CLGN: variants seen among roughly 807,000 people sequenced by gnomAD.
CLGN encodes testis tissue sperm-binding protein Li 79P.
A neutral mutation model predicts 79.1 loss-of-function variants in CLGN; 62 were observed. That is an observed-to-expected ratio of 0.78 (90% confidence interval 0.64 to 0.97). CLGN has a LOEUF of 0.97. CLGN is among the 50% of genes least tolerant of loss of function. The probability of loss-of-function intolerance (pLI) is 0.00; values close to 1 mark genes in which losing one functional copy is unlikely to be tolerated. For synonymous variants in CLGN, 225 were observed against 224.7 expected (o/e 1.00, Z -0.01); for missense variants, 647 against 715.5 (o/e 0.90, Z 1.09).
chr4:140,421,376 T>C (rs1233642246), intron 1 of CLGN, among the ~76,000 whole-genome samples: 3 of 152,114 alleles, frequency 2.0e-5, no homozygotes, highest in Non-Finnish European at 4.4e-5. Flanking sequence ...CCTCATACTG[T>C]TTTCCACAGT....
chr4:140,412,793 A>G, intron 2 of CLGN, 142 bp downstream of exon 2: 1 of 748,414 alleles, frequency 1.3e-6, no homozygotes, highest in East Asian at 2.8e-5. Flanking sequence ...TTAAAGTAAT[A>G]AGACACTTAG....
chr4:140,395,498 G>C (rs936782387), intron 10 of CLGN, among the ~76,000 whole-genome samples: 1 of 151,962 alleles, frequency 6.6e-6, no homozygotes, highest in African/African-American at 2.4e-5. Flanking sequence ...TTAAGCACAG[G>C]CATTAATTAC....
At chr4:140,411,238 T>G (rs1050395692) in intron 2 of CLGN, among the ~76,000 whole-genome samples, 5 of 151,986 alleles carry the variant, frequency 3.3e-5, no homozygotes, top group Non-Finnish European at 7.4e-5. Flanking sequence ...GGGGGAAGTA[T>G]CATTAGTAAC....
Position 140,398,257 on chromosome 4 carries a change from C to G in CLGN, c.884+594G>C, listed in dbSNP as rs568628921. Among the ~76,000 whole-genome samples, 289 of 141,594 alleles carry G rather than the reference C, an allele frequency of 2.0e-3. 2 individuals carry two copies. In the South Asian group the frequency reaches 0.026, roughly 13 times the overall value. 92.9% of individuals were successfully genotyped at this position (141,594 alleles called of 152,430 possible). On this transcript the variant is annotated intron_variant, in intron 8 of 14. Transcript: ENST00000325617. ...GTGGTTTCTCTCATTTAAGGGCAAACATACTCTTTTTTTTTTTTTTTTTTT... is the reference window on the plus strand; with the variant it reads ...GTGGTTTCTCTCATTTAAGGGCAAAGATACTCTTTTTTTTTTTTTTTTTTT...
intron 1 of CLGN, among the ~76,000 whole-genome samples, chr4:140,426,255 C>G (rs1171803706): frequency 6.6e-6 from 1 of 152,140 alleles, no homozygotes; most frequent in Non-Finnish European, 1.5e-5. Flanking sequence ...ACTAGACAAT[C>G]CAAAGATTCT....
Position 140,389,234 on chromosome 4 carries a change from C to A in CLGN, c.1823G>T (p.Arg608Leu). The A allele has an allele frequency of 1.9e-6, 3 of 1,612,006 alleles. No homozygotes were observed. The highest frequency in any genetic ancestry group is 2.5e-6 in the Non-Finnish European group (3 of 1,178,518). Residue 608 changes from arginine to leucine, a missense_variant, in exon 15 of 15, where the codon CGA (arginine) becomes CTA (leucine). Physicochemically the swap from Arg to Leu is moderately radical, Grantham distance 102. Transcript: ENST00000325617. Reference sequence around the variant, plus strand: ...ATATTTCAATCTAGTTTAGTCCTTTCGTACTCTTCTTTTGCGTACTGACTT... The same window carrying A: ...ATATTTCAATCTAGTTTAGTCCTTTAGTACTCTTCTTTTGCGTACTGACTT... The part of the protein sequence containing the change: ...PIKSVRKRRV[R>L]KD
chr4:140,407,872 G>T (rs902691219), intron 4 of CLGN, among the ~76,000 whole-genome samples: 4 of 152,028 alleles, frequency 2.6e-5, no homozygotes, highest in African/African-American at 7.2e-5. Flanking sequence ...AGCCTGAATA[G>T]CCAAAGTAAT....
In CLGN at chr4:140,400,423, C is replaced by T. The variant is rs1475083337; in HGVS notation, c.628G>A (p.Ala210Thr). 5 of 1,613,134 alleles carry T rather than the reference C, an allele frequency of 3.1e-6. No individual in the cohort carries two copies. The highest frequency in any genetic ancestry group is 4.2e-6 in the Non-Finnish European group (5 of 1,179,454). Residue 210 changes from alanine (A) to threonine (T), a missense_variant, in exon 7 of 15, where the codon GCC becomes ACC. By Grantham distance (58) the Ala-to-Thr change is moderately conservative. Coordinates refer to ENST00000325617, the MANE Select transcript of CLGN (RefSeq NM_004362.3). Reference protein sequence around the residue: ...PKTGVFEEKHAKPPDVDLKKF... With the variant: ...PKTGVFEEKHTKPPDVDLKKF... ...TTAAGGTCTACATCTGGAGGTTTGG[C>T]ATGTTTCTCTTCGAAAACTCCAGTT... is the stretch of plus-strand genomic sequence containing the variant.
intron 1 of CLGN, among the ~76,000 whole-genome samples, chr4:140,425,506 T>C (rs763271994): frequency 4.6e-5 from 7 of 151,774 alleles, no homozygotes; most frequent in Non-Finnish European, 1.0e-4. Context: ...CACGTTGATT[T>C]ATTGCATTTT....
At chr4:140,425,294 T>G (rs547922849) in intron 1 of CLGN, among the ~76,000 whole-genome samples, 1 of 152,250 alleles carries the variant, frequency 6.6e-6, no homozygotes, top group South Asian at 2.1e-4. Flanking sequence ...CCCTTCTGGT[T>G]TGATGCAAGC....
At chr4:140,410,721 A>G in intron 2 of CLGN, 95 bp from the exon 3 acceptor site, 1 of 710,054 alleles carries the variant, frequency 1.4e-6, no homozygotes, top group East Asian at 2.7e-5. Context: ...TGTAATGCAC[A>G]TACAGGTAAT....
chr4:140,396,090 A>G lies in CLGN; in HGVS notation c.998+2T>C, dbSNP rs374405705. On this transcript the variant is annotated splice_donor_variant, in intron 9 of 14. Coordinates refer to ENST00000325617, the MANE Select transcript of CLGN (RefSeq NM_004362.3). LOFTEE classifies it high-confidence loss of function. ...CGACATTTGAAGATGAAGAGTGCTT[A>G]CCAGTCATCAGGTTTTTCAGCATTA... 5 of 1,613,618 alleles carry G rather than the reference A, an allele frequency of 3.1e-6. No homozygotes were observed. The highest frequency in any genetic ancestry group is 4.2e-6 in the Non-Finnish European group (5 of 1,179,524).
chr4:140,408,626 T>C (rs568811195), intron 4 of CLGN, among the ~76,000 whole-genome samples: 12 of 152,118 alleles, frequency 7.9e-5, no homozygotes, highest in African/African-American at 2.4e-4. Context: ...CACAATGAGA[T>C]ACTACGTTAC....
chr4:140,416,407 C>G lies in CLGN; in HGVS notation c.-9-3320G>C, dbSNP rs545917193. On this transcript the variant is annotated intron_variant, in intron 1 of 14. Coordinates refer to ENST00000325617, the MANE Select transcript of CLGN (RefSeq NM_004362.3). ...AAAACCCTTCAAAAAATTAATGAAT[C>G]CAGGAGCTGGTTTTTTGAAAGGATC... Among the ~76,000 whole-genome samples the G allele has an allele frequency of 2.6e-3, 383 of 145,882 alleles. 2 individuals carry two copies. The highest frequency in any genetic ancestry group is 9.4e-3 in the African/African-American group (370 of 39,342).
intron 11 of CLGN, among the ~76,000 whole-genome samples, chr4:140,392,985 T>C (rs764595585): frequency 1.3e-5 from 2 of 152,206 alleles, no homozygotes; most frequent in Middle Eastern, 3.4e-3. Context: ...TTTTCCTTTT[T>C]GGTAAATTTC....
chr4:140,418,441 A>C (rs1482553172), intron 1 of CLGN, among the ~76,000 whole-genome samples: 1 of 148,012 alleles, frequency 6.8e-6, no homozygotes, highest in African/African-American at 2.6e-5. Flanking sequence ...GAAAATTTTC[A>C]CAACCTACTC....
At chr4:140,423,562 A>G (rs1479394115) in intron 1 of CLGN, among the ~76,000 whole-genome samples, 1 of 151,978 alleles carries the variant, frequency 6.6e-6, no homozygotes, top group Non-Finnish European at 1.5e-5. Context: ...GGAAGTGTTT[A>G]CTCCTCTTCA....
intron 8 of CLGN, among the ~76,000 whole-genome samples, chr4:140,396,864 TATATATATAC>T (rs1332499172): frequency 1.4e-5 from 1 of 70,952 alleles, no homozygotes; most frequent in East Asian, 3.3e-4. Context: ...GGCTGGAGCA[TATATATATAC>T]ATATATATAT....
intron 1 of CLGN, among the ~76,000 whole-genome samples, chr4:140,417,889 G>A (rs1437983503): frequency 5.9e-5 from 9 of 151,668 alleles, no homozygotes; most frequent in Admixed American, 1.3e-4. Flanking sequence ...AGCCCGCATC[G>A]CCAAGTCAAT....
Sources: gnomAD v4.1 joint callset for allele counts (sites outside exome capture counted in the v4.1 genomes callset) on GRCh38, gnomAD v4.1.1 for gene constraint, MANE v1.5 for transcripts, NCBI Gene and HGNC (gene_info 2026-07-23, HGNC 2026-07-21) for gene names.